The following CFAP161 variants were observed in gnomAD, a reference collection of about 807,000 sequenced individuals.
The protein encoded by CFAP161 is cilia and flagella associated protein 161.
A neutral mutation model predicts 29.0 loss-of-function variants in CFAP161; 25 were observed. That is an observed-to-expected ratio of 0.86 (90% CI 0.63 to 1.20). The LOEUF is 1.20. CFAP161 is among the 50% of genes most tolerant of loss of function. The pLI is 0.00. For missense variants in CFAP161, 367 were observed against 371.9 expected, an observed-to-expected ratio of 0.99 and a Z score of 0.11; for synonymous variants, 116 against 137.4, an observed-to-expected ratio of 0.84 and a Z score of 1.09.
chr15:81,133,221 A>ATATATATATG (rs1555449897), upstream of CFAP161, among the ~76,000 whole-genome samples: 14 of 32,492 alleles, frequency 4.3e-4, no homozygotes, highest in Non-Finnish European at 7.1e-4. Context: ...ATATATATAT[A>ATATATATATG]TATGTATTTT....
chr15:81,106,962 A>C (rs1012418858), intron 1 of CFAP161, among the ~76,000 whole-genome samples: 2 of 152,206 alleles, frequency 1.3e-5, no homozygotes, highest in African/African-American at 2.4e-5. Flanking sequence ...GCTTCTCAGG[A>C]GGCTGAGGTG....
intron 1 of CFAP161, among the ~76,000 whole-genome samples, chr15:81,122,491 CTTTCT>C (rs1329880597): frequency 1.7e-5 from 2 of 120,040 alleles, no homozygotes; most frequent in African/African-American, 5.7e-5. Flanking sequence ...TTCTTTCTTT[CTTTCT>C]TTTTTTTTTT....
At chr15:81,126,214 A>T (rs1441070667) in intron 1 of CFAP161, among the ~76,000 whole-genome samples, 1 of 152,226 alleles carries the variant, frequency 6.6e-6, no homozygotes, top group East Asian at 1.9e-4. Flanking sequence ...TTATATTTCT[A>T]ACAAAATTGA....
At chr15:81,113,918 T>C (rs1181804814) in intron 1 of CFAP161, among the ~76,000 whole-genome samples, 1 of 152,232 alleles carries the variant, frequency 6.6e-6, no homozygotes, top group African/African-American at 2.4e-5. Flanking sequence ...GTTACCTGAT[T>C]CGTATAAATT....
At position 81,118,044 on chromosome 15, in the gene CFAP161, G is replaced by A. The variant is rs1368801937; in HGVS notation, c.-141-9546G>A. ...TAACCTCACAGTTAAAGAGGTCCAG[G>A]CTTTTTAGACATTCCAACTTTTTCA... On this transcript the variant is annotated intron_variant, in intron 1 of 4. Transcript: ENST00000560091. 3 of 506,484 alleles carry A rather than the reference G, an allele frequency of 5.9e-6. No homozygotes were observed. The Admixed American group carries it at 8.5e-5, about 14-fold the overall frequency. The allele number at this position is 506,484 out of a possible 1,614,324, so 31.4% of individuals were successfully genotyped here.
rs1192256143 is a variant in CFAP161 at position 81,100,828 on chromosome 15, A to T, written c.-141-26762A>T. Among the ~76,000 whole-genome samples, 3 of 151,864 alleles carry T rather than the reference A, an allele frequency of 2.0e-5. No homozygotes were observed. The East Asian group carries it at 5.8e-4, about 29-fold the overall frequency. Reference sequence around the variant, plus strand: ...GCTAGGATTACAGGAGTGAGCCACCATGCCTGGCCCCAGAATATGTCTTTG... The same window carrying T: ...GCTAGGATTACAGGAGTGAGCCACCTTGCCTGGCCCCAGAATATGTCTTTG... On this transcript the variant is annotated intron_variant, in intron 1 of 4. Coordinates refer to the CFAP161 transcript ENST00000560091.
upstream of CFAP161, among the ~76,000 whole-genome samples, chr15:81,129,860 T>C (rs113730668): frequency 2.4e-3 from 338 of 141,772 alleles, 4 homozygotes; most frequent in African/African-American, 8.3e-3. Context: ...CATCTTCTAA[T>C]GTAAGGCTTT....
At position 81,148,528 on chromosome 15, in the gene CFAP161, C is replaced by G; in HGVS notation, c.901C>G (p.Gln301Glu). 3 of 1,610,208 alleles carry G rather than the reference C, an allele frequency of 1.9e-6. No individual in the cohort carries two copies. Among genetic ancestry groups the G allele is most frequent in the Non-Finnish European group, 2.5e-6 (3 of 1,176,690 alleles). Residue 301 changes from glutamine (Q) to glutamate (E), a missense_variant, in exon 7 of 7, where the codon CAG (glutamine) becomes GAG (glutamate). Physicochemically the swap from Gln to Glu is conservative, Grantham distance 29. Transcript: ENST00000286732. ...GGAGCAGGCCATGGGCCTTGACACGCAGTAACACGCCAGGCACGTGCATGT... is the reference window on the plus strand; with the variant it reads ...GGAGCAGGCCATGGGCCTTGACACGGAGTAACACGCCAGGCACGTGCATGT... ...AMEQAMGLDT[Q>E]
intron 1 of CFAP161, among the ~76,000 whole-genome samples, chr15:81,114,472 A>G (rs1290500890): frequency 2.6e-5 from 4 of 152,148 alleles, no homozygotes; most frequent in Non-Finnish European, 4.4e-5. Flanking sequence ...GGCTATGGCA[A>G]TTTCTTAAAA....
chr15:81,137,550 T>C (rs1457085928), intron 3 of CFAP161, among the ~76,000 whole-genome samples: 4 of 152,152 alleles, frequency 2.6e-5, no homozygotes, highest in Non-Finnish European at 5.9e-5. Context: ...GAGCCAAGAT[T>C]GCACCACTGA....
At chr15:81,104,473 A>T (rs530144270) in intron 1 of CFAP161, among the ~76,000 whole-genome samples, 1 of 152,216 alleles carries the variant, frequency 6.6e-6, no homozygotes, top group Non-Finnish European at 1.5e-5. Context: ...CAAGTATTCC[A>T]CAAGGAGCTG....
In CFAP161 at chr15:81,142,113, G is replaced by A. The variant is rs116923396; in HGVS notation, c.478-1549G>A. 1.8e-4 allele frequency among the ~76,000 whole-genome samples: 27 copies of A among 152,028 alleles called. 2 individuals carry two copies. In the East Asian group the frequency reaches 5.2e-3, roughly 29 times the overall value. The stretch of plus-strand genomic sequence containing the variant: ...TCCAGCTGATTACCAGGTCTCTTCC[G>A]CTGTTCCTAGGCTCTTTTCTCCCTT... On this transcript the variant is annotated intron_variant, in intron 4 of 6. Transcript: ENST00000286732.
At chr15:81,148,068 C>G in intron 6 of CFAP161, 137 bp downstream of exon 6, 1 of 740,634 alleles carries the variant, frequency 1.4e-6, no homozygotes, top group South Asian at 2.0e-5. Flanking sequence ...CCACATAGAA[C>G]TTCAATGGTG....
intron 1 of CFAP161, among the ~76,000 whole-genome samples, chr15:81,115,208 A>G (rs1018056449): frequency 6.6e-6 from 1 of 152,092 alleles, no homozygotes; most frequent in African/African-American, 2.4e-5. Context: ...CTTGTCAGGG[A>G]ATTTTTTCTT....
Position 81,136,765 on chromosome 15 carries a change from T to G in CFAP161, c.392+17T>G, listed in dbSNP as rs372009759. The G allele has an allele frequency of 7.3e-5, 116 of 1,581,770 alleles. No homozygotes were observed. The African/African-American group carries it at 1.3e-3, about 17-fold the overall frequency. On this transcript the variant is annotated intron_variant, in intron 3 of 6. Transcript: ENST00000286732. ...CATTTTGAGGTAAAGAGACTTTAAT[T>G]TTCAGTTCATTTTCATCATAAATAT...
intron 1 of CFAP161, chr15:81,118,254 G>T: frequency 2.0e-6 from 1 of 512,522 alleles, no homozygotes. Flanking sequence ...TTATTAAACG[G>T]AGGAACTCTA....
At chr15:81,135,738 T>C (rs1455486756) in intron 2 of CFAP161, among the ~76,000 whole-genome samples, 2 of 152,166 alleles carry the variant, frequency 1.3e-5, no homozygotes, top group East Asian at 3.8e-4. Flanking sequence ...GGTGTATATG[T>C]GCCACATTTT....
At chr15:81,145,925 T>C (rs970709471) in intron 5 of CFAP161, among the ~76,000 whole-genome samples, 2 of 152,184 alleles carry the variant, frequency 1.3e-5, no homozygotes, top group African/African-American at 2.4e-5. Flanking sequence ...GATAACTCTA[T>C]CATTGGTTAT....
At chr15:81,122,614 C>G (rs983291338) in intron 1 of CFAP161, among the ~76,000 whole-genome samples, 1 of 151,730 alleles carries the variant, frequency 6.6e-6, no homozygotes, top group African/African-American at 2.4e-5. Context: ...GCCTTAGCCT[C>G]CCTTGTAGCT....
Sources: gnomAD v4.1 joint callset for allele counts (sites outside exome capture counted in the v4.1 genomes callset) on GRCh38, gnomAD v4.1.1 for gene constraint, MANE v1.5 for transcripts, NCBI Gene and HGNC (gene_info 2026-07-23, HGNC 2026-07-21) for gene names.